The following KCNU1 variants were observed in gnomAD, a reference collection of about 807,000 sequenced individuals.
KCNU1 encodes potassium calcium-activated channel subfamily U member 1.
In KCNU1, 93 loss-of-function variants were observed where a neutral mutation model predicts 126.8. That is an observed-to-expected ratio of 0.73 (90% confidence interval 0.62 to 0.87). The LOEUF (loss-of-function observed/expected upper bound fraction) is 0.87, where lower values mean the gene tolerates loss of function less well. KCNU1 is among the 40% of genes least tolerant of loss of function. KCNU1 has a pLI of 0.00. For synonymous variants in KCNU1, 523 were observed against 494.2 expected (o/e 1.06, Z -0.77); for missense variants, 1,330 against 1,367.1 (o/e 0.97, Z 0.43).
intron 18 of KCNU1, among the ~76,000 whole-genome samples, chr8:36,863,325 C>G (rs1310714338): frequency 6.6e-6 from 1 of 152,114 alleles, no homozygotes; most frequent in Admixed American, 6.5e-5. Context: ...CTAGTCCAAG[C>G]ACAGAAATAA....
chr8:36,885,567 A>T (rs1806665919), intron 19 of KCNU1, among the ~76,000 whole-genome samples: 1 of 151,724 alleles, frequency 6.6e-6, no homozygotes, highest in Non-Finnish European at 1.5e-5. Context: ...TTAAAAAAAT[A>T]AAAAAAACTG....
In KCNU1 at chr8:36,909,418, G is replaced by C. The variant is rs1424126936; in HGVS notation, c.2214G>C (p.Leu738Phe). Reference sequence around the variant, plus strand: ...GGCTTCGGAACTTTGTAATGCCCTTGAGAGCCAGCAACTATACCAGGAAGG... The same window carrying C: ...GGCTTCGGAACTTTGTAATGCCCTTCAGAGCCAGCAACTATACCAGGAAGG... ...PMGLRNFVMP[L>F]RASNYTRKEL... The change falls in exon 21 of 27, where the codon TTG becomes TTC. Residue 738 changes from leucine to phenylalanine, a missense_variant. This residue lies in a region of KCNU1 where 1,054 missense variants were observed against 1,053.9 expected (regional missense o/e 1.00). Transcript: ENST00000399881. 6 of 1,612,948 alleles carry C rather than the reference G, an allele frequency of 3.7e-6. No individual in the cohort carries two copies. Among genetic ancestry groups the C allele is most frequent in the African/African-American group, 1.3e-5 (1 of 74,892 alleles).
intron 19 of KCNU1, among the ~76,000 whole-genome samples, chr8:36,882,142 C>T (rs1806509533): frequency 2.0e-5 from 3 of 152,170 alleles, no homozygotes; most frequent in Admixed American, 2.0e-4. Flanking sequence ...TCTTTTATGT[C>T]ATTTCCGAAA....
In KCNU1 at chr8:36,827,494, C is replaced by T. The variant is rs76607146; in HGVS notation, c.1107-6060C>T. 5.0e-3 allele frequency among the ~76,000 whole-genome samples: 760 copies of T among 152,166 alleles called. 10 individuals carry two copies. The highest frequency in any genetic ancestry group is 0.017 in the African/African-American group (718 of 41,530). ...GGGGAAGAAAATTGGACTCAACTCC[C>T]GAGTTATTGATTTCTCTCAGGTTTT... On this transcript the variant is annotated intron_variant, in intron 10 of 26. Transcript: ENST00000399881.
chr8:36,845,905 T>G lies in KCNU1; in HGVS notation c.1891+6T>G. 6.4e-7 allele frequency: 1 copy of G among 1,557,540 alleles called. No individual in the cohort carries two copies. The highest frequency in any genetic ancestry group is 8.8e-7 in the Non-Finnish European group (1 of 1,138,454). ...AAGCCGGCAGCACATCACAGGTAAT[T>G]GCACTTTATTTCTGGCTGTCCTTAG... On this transcript the variant is annotated splice_donor_region_variant and intron_variant, in intron 18 of 26. Transcript: ENST00000399881.
chr8:36,852,482 G>A (rs1166164974), intron 18 of KCNU1, among the ~76,000 whole-genome samples: 1 of 152,104 alleles, frequency 6.6e-6, no homozygotes, highest in Non-Finnish European at 1.5e-5. Flanking sequence ...TTTTACTTGT[G>A]AAGCAATCAG....
rs371188129 is a variant in KCNU1, at chr8:36,877,089, C to T, written c.2009+12568C>T. Reference sequence around the variant, plus strand: ...ACTCTCTGTTACCTGCACTTAGAAGCACACTCTAAAATAAGCAAAAATGAA... The same window carrying T: ...ACTCTCTGTTACCTGCACTTAGAAGTACACTCTAAAATAAGCAAAAATGAA... On this transcript the variant is annotated intron_variant, in intron 19 of 26. Coordinates refer to ENST00000399881, the MANE Select transcript of KCNU1 (RefSeq NM_001031836.3). Among the ~76,000 whole-genome samples the T allele has an allele frequency of 1.2e-4, 19 of 152,282 alleles. No individual in the cohort carries two copies. In the East Asian group the frequency reaches 2.5e-3, roughly 20 times the overall value.
At chr8:36,900,615 C>T (rs2117485935) in intron 19 of KCNU1, among the ~76,000 whole-genome samples, 1 of 152,018 alleles carries the variant, frequency 6.6e-6, no homozygotes, top group East Asian at 1.9e-4. Flanking sequence ...TCAGAATTGA[C>T]AATAAGTGAG....
intron 19 of KCNU1, among the ~76,000 whole-genome samples, chr8:36,886,093 G>A (rs1288618057): frequency 6.6e-6 from 1 of 152,146 alleles, no homozygotes; most frequent in Non-Finnish European, 1.5e-5. Context: ...TATCACAAAA[G>A]TGAATTATAG....
intron 19 of KCNU1, among the ~76,000 whole-genome samples, chr8:36,885,221 C>G (rs774611350): frequency 6.6e-6 from 1 of 152,134 alleles, no homozygotes; most frequent in Non-Finnish European, 1.5e-5. Context: ...AAAAGTCCCT[C>G]AGAGACTGGC....
intron 2 of KCNU1, among the ~76,000 whole-genome samples, chr8:36,793,724 CCT>C (rs1390838694): frequency 6.1e-5 from 9 of 148,576 alleles, no homozygotes; most frequent in African/African-American, 2.4e-4. Context: ...TGCTAGTTGT[CCT>C]AGTGTAATTG....
At chr8:36,922,698 G>A in intron 24 of KCNU1, 69 bp downstream of exon 24, 1 of 1,486,910 alleles carries the variant, frequency 6.7e-7, no homozygotes, top group South Asian at 1.3e-5. Context: ...GGTAGTATAA[G>A]GCTGAGTAGA....
chr8:36,900,731 C>T lies in KCNU1; in HGVS notation c.2010-4977C>T, dbSNP rs185705273. On this transcript the variant is annotated intron_variant, in intron 19 of 26. Coordinates refer to ENST00000399881, the MANE Select transcript of KCNU1 (RefSeq NM_001031836.3). ...ACAAAAATCTCAGAACCATCAAAGG[C>T]ATCTTGGGACACAGGATTTTTTTCT... Among the ~76,000 whole-genome samples the T allele has an allele frequency of 2.6e-5, 4 of 152,182 alleles. No individual in the cohort carries two copies. The East Asian group carries it at 7.8e-4, about 29-fold the overall frequency.
At chr8:36,811,998 A>G (rs1202979452) in intron 7 of KCNU1, among the ~76,000 whole-genome samples, 1 of 152,110 alleles carries the variant, frequency 6.6e-6, no homozygotes, top group Non-Finnish European at 1.5e-5. Flanking sequence ...CGAGAGGCAG[A>G]GGTTGCAGTG....
intron 1 of KCNU1, among the ~76,000 whole-genome samples, chr8:36,786,053 T>C (rs952393288): frequency 1.3e-5 from 2 of 151,956 alleles, no homozygotes; most frequent in Non-Finnish European, 2.9e-5. Flanking sequence ...ATTTGTTTTA[T>C]TACATCAAAT....
chr8:36,867,566 AAC>A (rs1265086541), intron 19 of KCNU1, among the ~76,000 whole-genome samples: 1 of 152,190 alleles, frequency 6.6e-6, no homozygotes, highest in Non-Finnish European at 1.5e-5. Context: ...CATATGTGAT[AAC>A]ACAGAAAATG....
chr8:36,833,303 G>T (rs931015133), intron 10 of KCNU1, among the ~76,000 whole-genome samples: 1 of 151,878 alleles, frequency 6.6e-6, no homozygotes, highest in Admixed American at 6.6e-5. Flanking sequence ...ATATTTAAAA[G>T]CCATTTTATT....
chr8:36,842,274 A>G (rs1210075673), intron 16 of KCNU1, among the ~76,000 whole-genome samples: 1 of 152,252 alleles, frequency 6.6e-6, no homozygotes, highest in African/African-American at 2.4e-5. Flanking sequence ...CAATTATATC[A>G]GGTGGGCGAT....
rs997864142 is a variant in KCNU1, at chr8:36,907,466, T to G, written c.2106+1662T>G. On this transcript the variant is annotated intron_variant, in intron 20 of 26. Coordinates refer to ENST00000399881, the MANE Select transcript of KCNU1 (RefSeq NM_001031836.3). ...GTTACATTAAATACCGTTAGAGGCT[T>G]CATTATTCAAGTTAAAACTAATCGG... 1.2e-4 allele frequency among the ~76,000 whole-genome samples: 18 copies of G among 152,146 alleles called. 1 individual carries two copies. In the South Asian group the frequency reaches 3.1e-3, roughly 26 times the overall value.
Sources: gnomAD v4.1 joint callset for allele counts (sites outside exome capture counted in the v4.1 genomes callset) on GRCh38, gnomAD v4.1.1 for gene constraint, gnomAD v4.1.1 regional missense constraint, MANE v1.5 for transcripts, NCBI Gene and HGNC (gene_info 2026-07-23, HGNC 2026-07-21) for gene names.